PAK4: variants seen among roughly 807,000 people sequenced by gnomAD.
PAK4 encodes the protein serine/threonine-protein kinase PAK 4.
In PAK4, 49 loss-of-function variants were observed where a neutral mutation model predicts 53.5. The observed-to-expected ratio is 0.92, with a 90% CI of 0.73 to 1.16. The LOEUF is 1.16. PAK4 is among the 50% of genes most tolerant of loss of function. The probability of loss-of-function intolerance (pLI) is 0.00; values close to 1 mark genes in which losing one functional copy is unlikely to be tolerated. For synonymous variants in PAK4, 376 were observed against 375.6 expected, an observed-to-expected ratio of 1.00 and a Z score of -0.01; for missense variants, 824 against 850.7, an observed-to-expected ratio of 0.97 and a Z score of 0.39.
intron 1 of PAK4, among the ~76,000 whole-genome samples, chr19:39,135,593 C>T (rs2073797525): frequency 6.6e-6 from 1 of 152,020 alleles, no homozygotes; most frequent in African/African-American, 2.4e-5. Flanking sequence ...CCTCAGCCTC[C>T]CAAGGTGCTG....
At chr19:39,129,675 C>A (rs980971271) in intron 1 of PAK4, among the ~76,000 whole-genome samples, 2 of 131,162 alleles carry the variant, frequency 1.5e-5, no homozygotes, top group Non-Finnish European at 3.1e-5. Flanking sequence ...ATGGTTCACA[C>A]AACTGGCTTA....
At chr19:39,143,389 G>A (rs149649295) in intron 1 of PAK4, among the ~76,000 whole-genome samples, 2,250 of 150,688 alleles carry the variant, frequency 0.015, 49 homozygotes, top group African/African-American at 0.052. Flanking sequence ...TCAGGAGTTC[G>A]AGACGAGCCT....
chr19:39,145,964 G>T (rs973932856), intron 1 of PAK4, among the ~76,000 whole-genome samples: 4 of 152,208 alleles, frequency 2.6e-5, no homozygotes, highest in African/African-American at 9.7e-5. Flanking sequence ...GTTGACCCCT[G>T]CCCCACCTCT....
intron 1 of PAK4, among the ~76,000 whole-genome samples, chr19:39,162,297 C>CA (rs2074297542): frequency 1.3e-5 from 2 of 152,064 alleles, no homozygotes; most frequent in African/African-American, 4.8e-5. Flanking sequence ...CTCACCCTGT[C>CA]ACCTAGGCTG....
chr19:39,137,400 C>T (rs781310949), intron 1 of PAK4, among the ~76,000 whole-genome samples: 12 of 152,080 alleles, frequency 7.9e-5, no homozygotes, highest in Non-Finnish European at 1.2e-4. Flanking sequence ...TTGTGCGTGC[C>T]GGCCCTGTGT....
intron 1 of PAK4, among the ~76,000 whole-genome samples, chr19:39,148,133 G>A (rs937829352): frequency 4.0e-5 from 6 of 151,532 alleles, no homozygotes; most frequent in Non-Finnish European, 7.4e-5. Flanking sequence ...TGTATGTTTA[G>A]TAGAGACGGG....
rs1399615183 is a variant in PAK4 at position 39,174,916 on chromosome 19, C to T, written c.1099-15C>T. 1 of 1,613,352 alleles carries T rather than the reference C, an allele frequency of 6.2e-7. No individual in the cohort carries two copies. Among genetic ancestry groups the T allele is most frequent in the East Asian group, 2.2e-5 (1 of 44,874 alleles). ...CCTCCCGCCTCCCTCCACCACTGAC[C>T]CAGCCCCTGCACAGGTGGTAATCAT... is the stretch of plus-strand genomic sequence containing the variant. On this transcript the variant is annotated splice_polypyrimidine_tract_variant and intron_variant, in intron 4 of 8. Coordinates refer to ENST00000358301, the Ensembl canonical transcript of PAK4.
chr19:39,126,201 A>C (rs920133640), intron 1 of PAK4, among the ~76,000 whole-genome samples: 4 of 152,074 alleles, frequency 2.6e-5, no homozygotes, highest in Admixed American at 6.5e-5. Flanking sequence ...AGGCAGGGTC[A>C]AAGTTAATAA....
At chr19:39,144,141 CAGAT>C (rs71167643) in intron 1 of PAK4, among the ~76,000 whole-genome samples, 27,391 of 143,482 alleles carry the variant, frequency 0.19, 2,887 homozygotes, top group East Asian at 0.41. Context: ...GACAGACAGA[CAGAT>C]AGATAGATAG....
downstream of PAK4, chr19:39,180,126 A>G (rs1600422861): frequency 6.6e-6 from 1 of 152,272 alleles, no homozygotes; most frequent in East Asian, 1.9e-4. Context: ...CAGGGCAGAG[A>G]TTCCAGGTTA....
At chr19:39,140,697 C>G (rs1473954706) in intron 1 of PAK4, among the ~76,000 whole-genome samples, 1 of 152,190 alleles carries the variant, frequency 6.6e-6, no homozygotes, top group Non-Finnish European at 1.5e-5. Context: ...CTCCCCTTGC[C>G]TCCTCTCCCC....
At chr19:39,144,570 T>G (rs1471557322) in intron 1 of PAK4, among the ~76,000 whole-genome samples, 1 of 152,216 alleles carries the variant, frequency 6.6e-6, no homozygotes, top group Admixed American at 6.5e-5. Context: ...CCAGAAGGGT[T>G]TCCTGGGGAC....
rs35845376 is a variant in PAK4 at position 39,147,841 on chromosome 19, G to GTTT, written c.-22-21669_-22-21667dup. Among the ~76,000 whole-genome samples, 31 of 13,226 alleles carry GTTT rather than the reference G, an allele frequency of 2.3e-3. 2 individuals carry two copies. The highest frequency in any genetic ancestry group is 3.1e-3 in the African/African-American group (9 of 2,918). The allele number at this position is 13,226 out of a possible 152,430, so 8.7% of individuals were successfully genotyped here. A position where few individuals can be genotyped will look rare whatever the true frequency, so the allele number is the denominator to read the frequency against. ...TTCTTATTGGATTGTTTGTTTTCGG[G>GTTT]TTTTTTTTTTTTTTTTTTTTTTTTG... On this transcript the variant is annotated intron_variant, in intron 1 of 8. Transcript: ENST00000358301.
chr19:39,154,744 G>C (rs2074148569), intron 1 of PAK4, among the ~76,000 whole-genome samples: 1 of 152,170 alleles, frequency 6.6e-6, no homozygotes, highest in Non-Finnish European at 1.5e-5. Context: ...CTGCCCGTCT[G>C]GTTTGCAGAG....
intron 1 of PAK4, among the ~76,000 whole-genome samples, chr19:39,133,654 C>G (rs965624112): frequency 5.9e-5 from 9 of 152,212 alleles, no homozygotes; most frequent in Non-Finnish European, 1.2e-4. Context: ...TGCCCAGGAG[C>G]TTTCGAGCAG....
intron 1 of PAK4, among the ~76,000 whole-genome samples, chr19:39,159,476 C>G (rs2144761953): frequency 6.6e-6 from 1 of 152,268 alleles, no homozygotes. Context: ...ACCTCCGCCC[C>G]CTGGGTTCAA....
rs373168150 is a variant in PAK4 at position 39,173,246 on chromosome 19, G to A, written c.533G>A (p.Arg178His). Reference sequence around the variant, plus strand: ...CCCCAGGAGTCCTCCCGGGACAAACGCCCCCTCTCCGGGCCTGATGTCGGC... The same window carrying A: ...CCCCAGGAGTCCTCCCGGGACAAACACCCCCTCTCCGGGCCTGATGTCGGC... The change falls in exon 3 of 9, where the codon CGC becomes CAC. Residue 178 changes from arginine to histidine, a missense_variant. By Grantham distance (29) the Arg-to-His change is conservative. This residue lies in a region of PAK4 where 478 missense variants were observed against 435.8 expected (regional missense o/e 1.10). Transcript: ENST00000358301. The surrounding 1 kb of genome is among the most constrained non-coding windows in gnomAD (Gnocchi z 6.9). 80 of 1,584,524 alleles carry A rather than the reference G, an allele frequency of 5.0e-5. No homozygotes were observed. Among genetic ancestry groups the A allele is most frequent in the African/African-American group, 2.8e-4 (21 of 74,294 alleles).
At chr19:39,150,274 A>G (rs935084794) in intron 1 of PAK4, among the ~76,000 whole-genome samples, 9 of 151,664 alleles carry the variant, frequency 5.9e-5, no homozygotes, top group African/African-American at 2.2e-4. Context: ...CTCTTTTTCA[A>G]GATTGAGCTC....
chr19:39,128,041 A>G (rs957785191), intron 1 of PAK4, among the ~76,000 whole-genome samples: 5 of 152,094 alleles, frequency 3.3e-5, no homozygotes, highest in African/African-American at 9.7e-5. Context: ...GTATGTGTGG[A>G]GCTGCCTGAG....
Sources: gnomAD v4.1 joint callset for allele counts (sites outside exome capture counted in the v4.1 genomes callset) on GRCh38, gnomAD v4.1.1 for gene constraint, gnomAD v4.1.1 regional missense constraint, Gnocchi (gnomAD v3.1) non-coding constraint, MANE v1.5 for transcripts, NCBI Gene and HGNC (gene_info 2026-07-23, HGNC 2026-07-21) for gene names.